DST: variants seen among roughly 807,000 people sequenced by gnomAD.
DST encodes bullous pemphigoid antigen.
Under a neutral mutation model 875.2 loss-of-function variants are expected in DST, and 253 were observed. The ratio of observed to expected loss-of-function variants is 0.29; its 90% CI spans 0.26 to 0.32. DST has a LOEUF of 0.32. DST is among the 10% of genes least tolerant of loss of function. The pLI is 1.00. For synonymous variants in DST, 3,124 were observed against 3,197.1 expected (o/e 0.98, Z 0.77); for missense variants, 8,287 against 9,111.6 (o/e 0.91, Z 3.68).
intron 10 of DST, among the ~76,000 whole-genome samples, chr6:56,656,066 A>G (rs1427820331): frequency 1.3e-5 from 2 of 152,226 alleles, no homozygotes; most frequent in Non-Finnish European, 2.9e-5. Flanking sequence ...ATTCCTGGAG[A>G]TATGTTCCAT....
At chr6:56,582,719 A>G (rs1413201943) in intron 49 of DST, among the ~76,000 whole-genome samples, 2 of 151,724 alleles carry the variant, frequency 1.3e-5, no homozygotes, top group African/African-American at 2.4e-5. Context: ...AGCATTAGGT[A>G]TATCTCCTAA....
chr6:56,918,029 C>T (rs948638310), intron 2 of DST, among the ~76,000 whole-genome samples: 6 of 152,218 alleles, frequency 3.9e-5, no homozygotes, highest in Middle Eastern at 3.4e-3. Context: ...TTGACTTCTC[C>T]TATAAAAATA....
intron 5 of DST, among the ~76,000 whole-genome samples, chr6:56,733,179 C>T (rs1210518981): frequency 1.3e-5 from 2 of 152,124 alleles, no homozygotes; most frequent in African/African-American, 4.8e-5. Flanking sequence ...AAGGAGAGCA[C>T]AGCTACAGGA....
chr6:56,664,235 A>G (rs2099060306), intron 10 of DST, among the ~76,000 whole-genome samples: 1 of 152,168 alleles, frequency 6.6e-6, no homozygotes, highest in Non-Finnish European at 1.5e-5. Flanking sequence ...TTGCACACAG[A>G]GCAATGTTAG....
intron 5 of DST, among the ~76,000 whole-genome samples, chr6:56,706,051 T>C (rs1279657253): frequency 1.3e-5 from 2 of 152,212 alleles, no homozygotes; most frequent in African/African-American, 4.8e-5. Flanking sequence ...GGCTCACACC[T>C]GTACTTCCAG....
chr6:56,902,549 A>C (rs1160101937), intron 2 of DST, among the ~76,000 whole-genome samples: 1 of 152,256 alleles, frequency 6.6e-6, no homozygotes, highest in Non-Finnish European at 1.5e-5. Flanking sequence ...CAGAGTCAAA[A>C]GTAGCAATGA....
intron 4 of DST, among the ~76,000 whole-genome samples, chr6:56,742,779 T>C (rs984232438): frequency 1.3e-5 from 2 of 152,222 alleles, no homozygotes; most frequent in African/African-American, 4.8e-5. Context: ...AACTTATCCC[T>C]GATATGTGTG....
Position 56,616,653 on chromosome 6 carries a change from C to T in DST, c.4930-2169G>A, listed in dbSNP as rs1435116361. ...TGTAAGATGGCATTATTCAACAACC[C>T]CTGCTGCAGAGCAATTTCTGGAGGA... is the stretch of plus-strand genomic sequence containing the variant. On this transcript the variant is annotated intron_variant, in intron 36 of 103. Coordinates refer to ENST00000680361, the MANE Select transcript of DST (RefSeq NM_001374736.1). 5.0e-6 allele frequency: 8 copies of T among 1,614,146 alleles called. No individual in the cohort carries two copies. In the Admixed American group the frequency reaches 5.0e-5, roughly 10 times the overall value.
Position 56,608,924 on chromosome 6 carries a change from C to T in DST, c.5704G>A (p.Val1902Ile), listed in dbSNP as rs190559055. 2.3e-4 allele frequency: 374 copies of T among 1,613,768 alleles called. 3 individuals carry two copies. In the East Asian group the frequency reaches 6.0e-3, roughly 26 times the overall value. The change falls in exon 40 of 104, where the codon GTT becomes ATT. Residue 1902 changes from valine to isoleucine, a missense_variant. Val to Ile is a conservative substitution (Grantham distance 29). This residue lies in a region of DST where 3,138 missense variants were observed against 3,116.6 expected (regional missense o/e 1.01). Transcript: ENST00000680361. ...TLQKAFQQNL[V>I]SSALFSKVLE... ...ACTTTAGAAAATAATGCTGAGGAAA[C>T]CAAGTTCTGTTGGAAAGCCTTCTGT...
intron 49 of DST, among the ~76,000 whole-genome samples, chr6:56,580,957 A>T (rs1048444033): frequency 3.3e-5 from 5 of 149,964 alleles, no homozygotes; most frequent in Middle Eastern, 3.4e-3. Context: ...CTGGTCTCAA[A>T]CTCCTGGGCT....
chr6:56,949,258 T>G (rs1381369750), intron 2 of DST, among the ~76,000 whole-genome samples: 1 of 152,216 alleles, frequency 6.6e-6, no homozygotes, highest in Non-Finnish European at 1.5e-5. Context: ...TTGTTTGTTT[T>G]TGTTGTTTTG....
intron 10 of DST, among the ~76,000 whole-genome samples, chr6:56,662,304 TA>T (rs2099047714): frequency 6.6e-6 from 1 of 152,224 alleles, no homozygotes; most frequent in South Asian, 2.1e-4. Flanking sequence ...GACCTTATCC[TA>T]TGGATATATT....
chr6:56,739,727 C>T (rs1304358965), intron 4 of DST, among the ~76,000 whole-genome samples: 4 of 152,178 alleles, frequency 2.6e-5, no homozygotes, highest in African/African-American at 9.7e-5. Flanking sequence ...GACCTCTGGT[C>T]GTCCTCACTA....
chr6:56,605,974 T>C lies in DST; in HGVS notation c.8654A>G (p.Glu2885Gly). ...GCTTTTTTCAGTAACTAAGTTATTT[T>C]CACTAGGTGATGCTAGCTGTACAAC... ...VNVVQLASPS[E>G]NNLVTEKSNL... Residue 2885 changes from glutamate (E) to glycine (G), a missense_variant, in exon 40 of 104, where the codon GAA becomes GGA. Physicochemically the swap from Glu to Gly is moderately conservative, Grantham distance 98 (BLOSUM62 -2). This residue lies in a region of DST where 3,138 missense variants were observed against 3,116.6 expected (regional missense o/e 1.01). Coordinates refer to ENST00000680361, the MANE Select transcript of DST (RefSeq NM_001374736.1). 1 of 1,612,860 alleles carries C rather than the reference T, an allele frequency of 6.2e-7. No homozygotes were observed. Among genetic ancestry groups the C allele is most frequent in the Non-Finnish European group, 8.5e-7 (1 of 1,179,350 alleles).
rs369043034 is a variant in DST, at chr6:56,497,450, G to A, written c.20152C>T (p.Arg6718Cys). The part of the protein sequence containing the change: ...DLQQWLTDTE[R>C]HLLASKPLGG... Reference sequence around the variant, plus strand: ...AGCGGTTTAGATGCCAACAGATGACGCTCCGTGTCAGTCAGCCACTGCTGC... The same window carrying A: ...AGCGGTTTAGATGCCAACAGATGACACTCCGTGTCAGTCAGCCACTGCTGC... The change falls in exon 82 of 104, where the codon CGT (arginine) becomes TGT (cysteine). Residue 6718 changes from arginine (R) to cysteine (C), a missense_variant. Physicochemically the swap from Arg to Cys is radical, Grantham distance 180. Transcript: ENST00000680361. 26 of 1,612,938 alleles carry A rather than the reference G, an allele frequency of 1.6e-5. 1 individual carries two copies. The highest frequency in any genetic ancestry group is 1.6e-4 in the Middle Eastern group (1 of 6,074).
intron 49 of DST, among the ~76,000 whole-genome samples, chr6:56,589,493 A>G (rs990321174): frequency 2.6e-5 from 4 of 152,236 alleles, no homozygotes; most frequent in African/African-American, 9.6e-5. Flanking sequence ...GTGACAAGAG[A>G]ATACCTGTTG....
intron 4 of DST, among the ~76,000 whole-genome samples, chr6:56,759,227 G>A (rs1378887716): frequency 1.3e-5 from 2 of 152,194 alleles, no homozygotes; most frequent in Non-Finnish European, 2.9e-5. Flanking sequence ...GAAGTGGGCG[G>A]ATCACTTGAG....
chr6:56,557,191 T>A (rs2097437923), intron 59 of DST, 128 bp downstream of exon 59: 2 of 809,444 alleles, frequency 2.5e-6, no homozygotes, highest in Non-Finnish European at 3.9e-6. Context: ...TCTGAAACAT[T>A]ACATATATAC....
rs1447312060 is a variant in DST at position 56,536,955 on chromosome 6, G to C, written c.16609-15C>G. ...TTCTGGAATACCTGCAGTTAAAAGA[G>C]TAATAATTATATGAGTTATATTACC... On this transcript the variant is annotated splice_polypyrimidine_tract_variant and intron_variant, in intron 61 of 103. Transcript: ENST00000680361. The C allele has an allele frequency of 6.2e-6, 10 of 1,611,202 alleles. No individual in the cohort carries two copies. Among genetic ancestry groups the C allele is most frequent in the African/African-American group, 1.3e-5 (1 of 74,828 alleles).
Sources: allele counts gnomAD v4.1 joint callset (sites outside exome capture counted in the v4.1 genomes callset), GRCh38; gene constraint gnomAD v4.1.1; regional missense constraint gnomAD v4.1.1; transcripts MANE v1.5; gene names NCBI Gene and HGNC (gene_info 2026-07-23, HGNC 2026-07-21).